The following ABCC11 variants were observed in gnomAD, a reference collection of about 807,000 sequenced individuals.
ABCC11 encodes ATP-binding cassette sub-family C member 11.
In ABCC11, 135 loss-of-function variants were observed where a neutral mutation model predicts 149.3. The observed-to-expected ratio is 0.90, with a 90% CI of 0.79 to 1.04. ABCC11 has a LOEUF of 1.04. ABCC11 is among the 50% of genes least tolerant of loss of function. ABCC11 has a pLI of 0.00. For synonymous variants in ABCC11, 665 were observed against 671.4 expected (o/e 0.99, Z 0.15); for missense variants, 1,680 against 1,722.1 (o/e 0.98, Z 0.43).
At chr16:48,168,473 A>G (rs1199565896) in intron 28 of ABCC11, among the ~76,000 whole-genome samples, 1 of 152,216 alleles carries the variant, frequency 6.6e-6, no homozygotes, top group Non-Finnish European at 1.5e-5. Flanking sequence ...TGCATTTATC[A>G]TTAATTAACC....
intron 28 of ABCC11, among the ~76,000 whole-genome samples, chr16:48,168,898 G>A (rs1452240543): frequency 6.6e-6 from 1 of 152,152 alleles, no homozygotes. Flanking sequence ...CAGGTGGTGG[G>A]GGGCAAGGAA....
At chr16:48,202,515 G>A (rs1968075187) in intron 14 of ABCC11, among the ~76,000 whole-genome samples, 1 of 151,996 alleles carries the variant, frequency 6.6e-6, no homozygotes, top group African/African-American at 2.4e-5. Flanking sequence ...GGAGGCTGAG[G>A]TAGGAGAATC....
At position 48,198,020 on chromosome 16, in the gene ABCC11, T is replaced by C. The variant is rs1165113746; in HGVS notation, c.2265A>G (p.Glu755=). The stretch of plus-strand genomic sequence containing the variant: ...CCAGGGAGGTGGCCAGAGCCTGACT[T>C]TCTACCTTTGGCTTCTCTGCTATCT... The part of the protein sequence containing the change: ...TAKIAEKPKV[E]SQALATSLEE... Residue 755 remains glutamate, a synonymous_variant, in exon 17 of 30, where the codon GAA becomes GAG. Transcript: ENST00000356608. 1 of 1,614,192 alleles carries C rather than the reference T, an allele frequency of 6.2e-7. No homozygotes were observed. Among genetic ancestry groups the C allele is most frequent in the East Asian group, 2.2e-5 (1 of 44,874 alleles).
intron 20 of ABCC11, among the ~76,000 whole-genome samples, chr16:48,190,115 C>T (rs1040996869): frequency 6.6e-6 from 1 of 152,170 alleles, no homozygotes; most frequent in African/African-American, 2.4e-5. Flanking sequence ...GACAAGGTGC[C>T]TCTTATGTTC....
chr16:48,239,521 C>T (rs1284819267), intron 1 of ABCC11, among the ~76,000 whole-genome samples: 1 of 141,014 alleles, frequency 7.1e-6, no homozygotes, highest in Non-Finnish European at 1.5e-5. Context: ...GAGATCGTGC[C>T]ACTGCACTCT....
intron 4 of ABCC11, 73 bp from the exon 5 acceptor site, chr16:48,224,502 C>G (rs1406883028): frequency 1.3e-6 from 2 of 1,542,726 alleles, no homozygotes; most frequent in African/African-American, 2.8e-5. Context: ...TCTTGCTAGC[C>G]AGGAGCTTTG....
chr16:48,227,335 G>A (rs761345276), intron 4 of ABCC11, among the ~76,000 whole-genome samples: 23 of 151,878 alleles, frequency 1.5e-4, no homozygotes, highest in Non-Finnish European at 2.6e-4. Flanking sequence ...TTAGCCGGAC[G>A]TGGTGGCAAG....
In ABCC11 at chr16:48,190,222, G is replaced by C. The variant is rs188688491; in HGVS notation, c.2706+2298C>G. On this transcript the variant is annotated intron_variant, in intron 20 of 29. Coordinates refer to ENST00000356608, the MANE Select transcript of ABCC11 (RefSeq NM_001370497.1). Reference sequence around the variant, plus strand: ...CTCCCCCATTAGACTATACATCCATGATGGCCCAAACCCTACCTGCACTGT... The same window carrying C: ...CTCCCCCATTAGACTATACATCCATCATGGCCCAAACCCTACCTGCACTGT... Among the ~76,000 whole-genome samples the C allele has an allele frequency of 3.3e-5, 5 of 152,268 alleles. No individual in the cohort carries two copies. In the East Asian group the frequency reaches 9.7e-4, roughly 29 times the overall value.
intron 26 of ABCC11, among the ~76,000 whole-genome samples, chr16:48,172,586 C>T (rs140194486): frequency 2.0e-5 from 3 of 152,160 alleles, no homozygotes; most frequent in Admixed American, 6.5e-5. Flanking sequence ...GACCACCATG[C>T]CCAGCTAATT....
chr16:48,241,063 T>A (rs1970942686), intron 1 of ABCC11, among the ~76,000 whole-genome samples: 1 of 152,096 alleles, frequency 6.6e-6, no homozygotes, highest in Non-Finnish European at 1.5e-5. Flanking sequence ...GCCTCCCAAG[T>A]AGCTGGGATT....
Position 48,229,453 on chromosome 16 carries a change from C to CTTTT in ABCC11, c.236+980_236+983dup, listed in dbSNP as rs940739382. 6.6e-4 allele frequency among the ~76,000 whole-genome samples: 79 copies of CTTTT among 119,070 alleles called. 1 individual carries two copies. Among genetic ancestry groups the CTTTT allele is most frequent in the African/African-American group, 2.3e-3 (68 of 29,648 alleles). The allele number at this position is 119,070 out of a possible 152,430, so 78.1% of individuals were successfully genotyped here. A position where few individuals can be genotyped will look rare whatever the true frequency, so the allele number is the denominator to read the frequency against. On this transcript the variant is annotated intron_variant, in intron 3 of 29. Coordinates refer to ENST00000356608, the MANE Select transcript of ABCC11 (RefSeq NM_001370497.1). Reference sequence around the variant, plus strand: ...TTACTCCCATAACCAAGGCTGGTAACTTTTTTTTTTTTTTTTTTTTTTGAG... The same window carrying CTTTT: ...TTACTCCCATAACCAAGGCTGGTAACTTTTTTTTTTTTTTTTTTTTTTTTTTGAG...
At position 48,194,116 on chromosome 16, in the gene ABCC11, G is replaced by A. The variant is rs1967175022; in HGVS notation, c.2405-134C>T. 4 of 601,352 alleles carry A rather than the reference G, an allele frequency of 6.7e-6. No individual in the cohort carries two copies. The Admixed American group carries it at 1.1e-4, about 17-fold the overall frequency. 37.3% of individuals were successfully genotyped at this position (601,352 alleles called of 1,614,324 possible). On this transcript the variant is annotated intron_variant, in intron 18 of 29. Transcript: ENST00000356608. ...CCCACCCAATGTGGACACCTTGGAGGAATGGGAAGAGCTGGGTTCCAAAGT... is the reference window on the plus strand; with the variant it reads ...CCCACCCAATGTGGACACCTTGGAGAAATGGGAAGAGCTGGGTTCCAAAGT...
rs770980023 is a variant in ABCC11, at chr16:48,227,856, G to T, written c.345C>A (p.Asn115Lys). 1.2e-6 allele frequency: 2 copies of T among 1,613,478 alleles called. No homozygotes were observed. The highest frequency in any genetic ancestry group is 1.7e-6 in the Non-Finnish European group (2 of 1,179,772). ...CATGGACTGACAGTGGAGGGATGGTGTTCTCATCTAAGCGACTCCGTAAGC... is the reference window on the plus strand; with the variant it reads ...CATGGACTGACAGTGGAGGGATGGTTTTCTCATCTAAGCGACTCCGTAAGC... ...IQSLRSRLDENTIPPLSVHDA... is the reference protein window; with the variant it reads ...IQSLRSRLDEKTIPPLSVHDA... Residue 115 changes from asparagine (N) to lysine (K), a missense_variant, in exon 4 of 30, where the codon AAC (asparagine) becomes AAA (lysine). Transcript: ENST00000356608.
At chr16:48,223,427 T>C (rs1225407380) in intron 5 of ABCC11, 1 of 157,536 alleles carries the variant, frequency 6.3e-6, no homozygotes. Context: ...GGTCCATTAA[T>C]GTGATCCACA....
At chr16:48,169,680 A>G (rs1965570362) in intron 28 of ABCC11, among the ~76,000 whole-genome samples, 1 of 147,626 alleles carries the variant, frequency 6.8e-6, no homozygotes, top group Non-Finnish European at 1.5e-5. Context: ...AAAACCAAAC[A>G]CTGCATGTTC....
At position 48,197,979 on chromosome 16, in the gene ABCC11, C is replaced by T. The variant is rs572706787; in HGVS notation, c.2306G>A (p.Gly769Glu). 1 of 1,614,080 alleles carries T rather than the reference C, an allele frequency of 6.2e-7. No individual in the cohort carries two copies. The highest frequency in any genetic ancestry group is 1.1e-5 in the South Asian group (1 of 91,076). The change falls in exon 17 of 30, where the codon GGA becomes GAA. Residue 769 changes from glycine to glutamate, a missense_variant. Gly to Glu is a moderately conservative substitution (Grantham distance 98, BLOSUM62 -2). Transcript: ENST00000356608. ...LATSLEESLN[G>E]NAVPEHQLTQ... The stretch of plus-strand genomic sequence containing the variant: ...ATCTCCCACACCATTACCAGCATTT[C>T]CGTTGAGAGACTCTTCCAGGGAGGT...
chr16:48,167,661 C>T lies in ABCC11; in HGVS notation c.3892-1G>A, dbSNP rs780774551. ...CTGTGGCTTCATCGATAAGGATGAT[C>T]TGATGAATACAAAACAGGGGTGAAG... is the stretch of plus-strand genomic sequence containing the variant. On this transcript the variant is annotated splice_acceptor_variant, in intron 28 of 29. Coordinates refer to ENST00000356608, the MANE Select transcript of ABCC11 (RefSeq NM_001370497.1). LOFTEE classifies it high-confidence loss of function. 6.2e-7 allele frequency: 1 copy of T among 1,614,036 alleles called. No homozygotes were observed. The highest frequency in any genetic ancestry group is 1.1e-5 in the South Asian group (1 of 91,064).
At chr16:48,226,375 C>T (rs1970075488) in intron 4 of ABCC11, among the ~76,000 whole-genome samples, 1 of 150,646 alleles carries the variant, frequency 6.6e-6, no homozygotes, top group Non-Finnish European at 1.5e-5. Flanking sequence ...CCTGGGTTCA[C>T]GCCATTCTCC....
chr16:48,184,533 G>A lies in ABCC11; in HGVS notation c.3165C>T (p.Asn1055=), dbSNP rs746453960. The A allele has an allele frequency of 7.4e-6, 12 of 1,614,234 alleles. No homozygotes were observed. The highest frequency in any genetic ancestry group is 2.2e-5 in the East Asian group (1 of 44,884). The change falls in exon 23 of 30, where the codon AAC becomes AAT. Residue 1055 remains asparagine (N), a synonymous_variant. Transcript: ENST00000356608. ...WMALRLEIMT[N]LVTLAVALFV... ...ACAGGGCAACAGCCAAGGTCACAAGGTTGGTCATGATCTCCAGCCTCAATG... is the reference window on the plus strand; with the variant it reads ...ACAGGGCAACAGCCAAGGTCACAAGATTGGTCATGATCTCCAGCCTCAATG...
Sources: gnomAD v4.1 joint callset for allele counts (sites outside exome capture counted in the v4.1 genomes callset) on GRCh38, gnomAD v4.1.1 for gene constraint, MANE v1.5 for transcripts, NCBI Gene and HGNC (gene_info 2026-07-23, HGNC 2026-07-21) for gene names.